Variants in ZNF536 observed in about 807,000 individuals in gnomAD.
The protein encoded by ZNF536 is zinc finger protein 536.
ZNF536 carries 13 observed loss-of-function variants against 84.5 expected under a neutral mutation model. The observed-to-expected ratio is 0.15, with a 90% CI of 0.10 to 0.24. ZNF536 has a LOEUF of 0.24. ZNF536 is among the 10% of genes least tolerant of loss of function. The pLI is 1.00. For missense variants in ZNF536, 1,536 were observed against 1,747.5 expected, an observed-to-expected ratio of 0.88 and a Z score of 2.16; for synonymous variants, 811 against 742.5, an observed-to-expected ratio of 1.09 and a Z score of -1.50.
intron 1 of ZNF536, among the ~76,000 whole-genome samples, chr19:30,678,152 G>A (rs78431026): frequency 1.9e-3 from 295 of 152,354 alleles, no homozygotes; most frequent in African/African-American, 6.7e-3. Flanking sequence ...CAACTTGCAA[G>A]AGAAGCAAGG....
At chr19:30,693,366 T>C (rs1045048807) in intron 1 of ZNF536, among the ~76,000 whole-genome samples, 1 of 152,212 alleles carries the variant, frequency 6.6e-6, no homozygotes, top group African/African-American at 2.4e-5. Context: ...GCCCTGCCCA[T>C]TTGTTTTGGT....
chr19:30,530,950 C>T (rs139017106), intron 2 of ZNF536, among the ~76,000 whole-genome samples: 45 of 152,342 alleles, frequency 3.0e-4, no homozygotes, highest in Middle Eastern at 3.4e-3. Flanking sequence ...CTGGGGCTCA[C>T]GCACAGTGCC....
At chr19:30,606,560 C>T (rs2047899876) in intron 1 of ZNF536, among the ~76,000 whole-genome samples, 1 of 152,196 alleles carries the variant, frequency 6.6e-6, no homozygotes, top group Non-Finnish European at 1.5e-5. Flanking sequence ...GAGGCCACTT[C>T]ACCAGTCTTT....
chr19:30,301,426 C>T (rs2145934609), intron 2 of ZNF536, among the ~76,000 whole-genome samples: 1 of 152,316 alleles, frequency 6.6e-6, no homozygotes, highest in African/African-American at 2.4e-5. Flanking sequence ...TGGGTCCCTT[C>T]TGTTATCACT....
intron 1 of ZNF536, among the ~76,000 whole-genome samples, chr19:30,606,854 G>T (rs1486440291): frequency 6.6e-6 from 1 of 152,120 alleles, no homozygotes; most frequent in Non-Finnish European, 1.5e-5. Context: ...CTCCATCAAA[G>T]AAGTGGCTGC....
At chr19:30,678,732 A>AC (rs2050850540) in intron 1 of ZNF536, among the ~76,000 whole-genome samples, 12 of 109,864 alleles carry the variant, frequency 1.1e-4, no homozygotes, top group Non-Finnish European at 2.2e-4. Context: ...CCCACCCCCA[A>AC]GCCCCCCCAC....
intron 1 of ZNF536, among the ~76,000 whole-genome samples, chr19:30,413,937 C>T (rs939603918): frequency 1.4e-4 from 21 of 151,622 alleles, no homozygotes; most frequent in African/African-American, 5.1e-4. Flanking sequence ...ACTAAAAATA[C>T]AAAAAATTAG....
chr19:30,404,557 G>A (rs1271415798), intron 1 of ZNF536, among the ~76,000 whole-genome samples: 1 of 152,208 alleles, frequency 6.6e-6, no homozygotes, highest in African/African-American at 2.4e-5. Context: ...CTCACTGATA[G>A]AGTTTGAGAA....
intron 2 of ZNF536, among the ~76,000 whole-genome samples, chr19:30,463,173 A>G (rs12974244): frequency 0.12 from 18,328 of 152,132 alleles, 1,406 homozygotes; most frequent in South Asian, 0.2. Context: ...GCATATCATG[A>G]TGGCTTATTA....
chr19:30,426,104 A>T (rs1364061922), intron 1 of ZNF536, among the ~76,000 whole-genome samples: 1 of 152,274 alleles, frequency 6.6e-6, no homozygotes, highest in South Asian at 2.1e-4. Context: ...CTTTGGCAGG[A>T]TCTCTGCAAC....
chr19:30,354,002 A>G (rs1375927283), intron 3 of ZNF536, among the ~76,000 whole-genome samples: 1 of 152,180 alleles, frequency 6.6e-6, no homozygotes, highest in African/African-American at 2.4e-5. Context: ...GAGATGGAGA[A>G]GGTGCTGAAA....
chr19:30,671,141 G>A (rs1422019913), intron 1 of ZNF536, among the ~76,000 whole-genome samples: 5 of 152,244 alleles, frequency 3.3e-5, no homozygotes, highest in Non-Finnish European at 7.3e-5. Context: ...ATCTGCCAGA[G>A]GATCGCCATG....
At chr19:30,559,349 T>G (rs1423904704), downstream of ZNF536, among the ~76,000 whole-genome samples, 1 of 152,210 alleles carries the variant, frequency 6.6e-6, no homozygotes, top group African/African-American at 2.4e-5. Flanking sequence ...TGTGGCCACA[T>G]TTAGGCAGGG....
chr19:30,403,403 G>A (rs1007221530), intron 1 of ZNF536, among the ~76,000 whole-genome samples: 36 of 152,192 alleles, frequency 2.4e-4, no homozygotes, highest in African/African-American at 8.4e-4. Flanking sequence ...AAGGTCAAAG[G>A]CTGCGCAAGA....
At position 30,698,336 on chromosome 19, in the gene ZNF536, T is replaced by C. The variant is rs183128782; in HGVS notation, c.170-12421T>C. The stretch of plus-strand genomic sequence containing the variant: ...GCATAGATAATACAGAGAACTCTCA[T>C]AGATTTCACCGCCATTTCCCACTAT... On this transcript the variant is annotated intron_variant, in intron 1 of 1. Transcript: ENST00000592773. 6.2e-4 allele frequency among the ~76,000 whole-genome samples: 94 copies of C among 152,198 alleles called. 1 individual carries two copies. Among genetic ancestry groups the C allele is most frequent in the Admixed American group, 6.1e-3 (93 of 15,288 alleles).
intron 2 of ZNF536, among the ~76,000 whole-genome samples, chr19:30,501,295 G>A (rs1794739949): frequency 6.6e-6 from 1 of 152,312 alleles, no homozygotes; most frequent in African/African-American, 2.4e-5. Context: ...TCATGGAAAA[G>A]GAAGCCAAGG....
At chr19:30,535,883 C>G (rs2045054052) in intron 3 of ZNF536, among the ~76,000 whole-genome samples, 1 of 152,126 alleles carries the variant, frequency 6.6e-6, no homozygotes, top group African/African-American at 2.4e-5. Flanking sequence ...CAATAAGGCT[C>G]TGGGTTGCAC....
At chr19:30,389,175 C>T (rs1027310251) in intron 1 of ZNF536, among the ~76,000 whole-genome samples, 2 of 152,238 alleles carry the variant, frequency 1.3e-5, no homozygotes, top group Admixed American at 1.3e-4. Flanking sequence ...CGTGCCTCCA[C>T]GAAGCCAGGC....
intron 1 of ZNF536, among the ~76,000 whole-genome samples, chr19:30,400,851 A>C (rs903891138): frequency 4.6e-5 from 7 of 152,306 alleles, no homozygotes; most frequent in Middle Eastern, 3.4e-3. Context: ...CAGAGCAAAA[A>C]ATTTAATTTT....
Sources: allele counts gnomAD v4.1 joint callset (sites outside exome capture counted in the v4.1 genomes callset), GRCh38; gene constraint gnomAD v4.1.1; transcripts MANE v1.5; gene names NCBI Gene and HGNC (gene_info 2026-07-23, HGNC 2026-07-21).